FAM216B: variants seen among roughly 807,000 people sequenced by gnomAD.
FAM216B encodes protein FAM216B.
A neutral mutation model predicts 12.9 loss-of-function variants in FAM216B; 11 were observed. The ratio of observed to expected loss-of-function variants is 0.86; its 90% CI spans 0.54 to 1.42. FAM216B has a LOEUF of 1.42. FAM216B is among the 40% of genes most tolerant of loss of function. The probability of loss-of-function intolerance (pLI) is 0.00; values close to 1 mark genes in which losing one functional copy is unlikely to be tolerated. For synonymous variants in FAM216B, 52 were observed against 57.2 expected (o/e 0.91, Z 0.41); for missense variants, 167 against 162.9 (o/e 1.02, Z -0.14).
chr13:42,784,863 TA>T (rs1004592898), intron 2 of FAM216B, among the ~76,000 whole-genome samples: 26 of 145,164 alleles, frequency 1.8e-4, no homozygotes, highest in South Asian at 6.6e-4. Context: ...AAATTAAAAA[TA>T]AAAAAAAAAT....
At position 42,788,947 on chromosome 13, in the gene FAM216B, C is replaced by A; in HGVS notation, c.*157C>A. On this transcript the variant is annotated 3_prime_UTR_variant, in exon 4 of 4. Coordinates refer to ENST00000313851, the MANE Select transcript of FAM216B (RefSeq NM_001318932.2). ...ATTCATATAAATTTTGCCAGCAAGA[C>A]CAAGAGGTTTAAGAGCAATGGAGCC... is the stretch of plus-strand genomic sequence containing the variant. 1.4e-6 allele frequency: 1 copy of A among 731,702 alleles called. No individual in the cohort carries two copies. Among genetic ancestry groups the A allele is most frequent in the Non-Finnish European group, 2.1e-6 (1 of 476,578 alleles). The allele number at this position is 731,702 out of a possible 1,614,324, so 45.3% of individuals were successfully genotyped here.
rs1009244209 is a variant in FAM216B at position 42,788,891 on chromosome 13, A to G, written c.*101A>G. 1.3e-5 allele frequency: 15 copies of G among 1,167,692 alleles called. No homozygotes were observed. Among genetic ancestry groups the G allele is most frequent in the African/African-American group, 7.8e-5 (5 of 64,360 alleles). The allele number at this position is 1,167,692 out of a possible 1,614,324, so 72.3% of individuals were successfully genotyped here. ...GTTGAATGACAGTGAATAATTTCTAATATAAACCCCAGACCTAAAAATAAT... is the reference window on the plus strand; with the variant it reads ...GTTGAATGACAGTGAATAATTTCTAGTATAAACCCCAGACCTAAAAATAAT... On this transcript the variant is annotated 3_prime_UTR_variant, in exon 4 of 4. Coordinates refer to ENST00000313851, the MANE Select transcript of FAM216B (RefSeq NM_001318932.2).
Position 42,791,403 on chromosome 13 carries a change from T to G in FAM216B, c.*2613T>G, listed in dbSNP as rs978519335. 1 of 152,160 alleles carries G rather than the reference T, an allele frequency of 6.6e-6. No individual in the cohort carries two copies. Among genetic ancestry groups the G allele is most frequent in the Non-Finnish European group, 1.5e-5 (1 of 68,024 alleles). 9.4% of individuals were successfully genotyped at this position (152,160 alleles called of 1,614,324 possible). ...ATATTATTGCATTTAAATGATGGAT[T>G]TGAAATAAACAATGATTATACCATG... On this transcript the variant is annotated 3_prime_UTR_variant, in exon 4 of 4. Coordinates refer to ENST00000313851, the MANE Select transcript of FAM216B (RefSeq NM_001318932.2).
At chr13:42,782,450 G>A (rs955243146) in intron 1 of FAM216B, among the ~76,000 whole-genome samples, 1 of 152,170 alleles carries the variant, frequency 6.6e-6, no homozygotes, top group Non-Finnish European at 1.5e-5. Context: ...AGTTCTAAAG[G>A]CCATACAGCC....
Position 42,784,087 on chromosome 13 carries a change from G to C in FAM216B, c.20G>C (p.Arg7Thr). 6.3e-7 allele frequency: 1 copy of C among 1,581,536 alleles called. No individual in the cohort carries two copies. The highest frequency in any genetic ancestry group is 8.6e-7 in the Non-Finnish European group (1 of 1,161,780). The change falls in exon 2 of 4, where the codon AGA becomes ACA. Residue 7 changes from arginine (R) to threonine (T), a missense_variant. Physicochemically the swap from Arg to Thr is moderately conservative, Grantham distance 71. Coordinates refer to ENST00000313851, the MANE Select transcript of FAM216B (RefSeq NM_001318932.2). MGQNWKRQQKLWNVPQL... is the reference protein window; with the variant it reads MGQNWKTQQKLWNVPQL... ...TAAACGATGGGACAAAACTGGAAAAGACAACAAAAGCTTTGGAATGTTCCA... is the reference window on the plus strand; with the variant it reads ...TAAACGATGGGACAAAACTGGAAAACACAACAAAAGCTTTGGAATGTTCCA...
intron 2 of FAM216B, 119 bp from the exon 3 acceptor site, chr13:42,786,644 A>AAAC (rs1874100043): frequency 7.4e-7 from 1 of 1,356,816 alleles, no homozygotes; most frequent in East Asian, 2.5e-5. Context: ...ATTAAAAAAA[A>AAAC]AAAACATATG....
At position 42,790,179 on chromosome 13, in the gene FAM216B, T is replaced by G. The variant is rs1297482551; in HGVS notation, c.*1389T>G. 2 of 152,176 alleles carry G rather than the reference T, an allele frequency of 1.3e-5. No individual in the cohort carries two copies. Among genetic ancestry groups the G allele is most frequent in the East Asian group, 3.8e-4 (2 of 5,198 alleles). The allele number at this position is 152,176 out of a possible 1,614,324, so 9.4% of individuals were successfully genotyped here. A position where few individuals can be genotyped will look rare whatever the true frequency, so the allele number is the denominator to read the frequency against. Reference sequence around the variant, plus strand: ...ACATAGGCTTAGAAGAAGAAAAGACTCCAGTGGGACTGGGATGAGCTGCGT... The same window carrying G: ...ACATAGGCTTAGAAGAAGAAAAGACGCCAGTGGGACTGGGATGAGCTGCGT... On this transcript the variant is annotated 3_prime_UTR_variant, in exon 4 of 4. Transcript: ENST00000313851.
chr13:42,783,298 ACT>A (rs1389476658), intron 1 of FAM216B, among the ~76,000 whole-genome samples: 61 of 152,218 alleles, frequency 4.0e-4, no homozygotes, highest in African/African-American at 1.4e-3. Context: ...ATAGAGTGAG[ACT>A]CTGTCTCAAA....
chr13:42,785,598 C>T (rs1874055461), intron 2 of FAM216B, among the ~76,000 whole-genome samples: 1 of 152,192 alleles, frequency 6.6e-6, no homozygotes, highest in Admixed American at 6.5e-5. Flanking sequence ...ATACAAAATA[C>T]ATGCAAATGC....
intron 3 of FAM216B, 115 bp from the exon 4 acceptor site, chr13:42,788,476 C>T (rs1874176043): frequency 1.8e-5 from 14 of 776,922 alleles, no homozygotes; most frequent in Non-Finnish European, 2.6e-5. Context: ...TCTGGGCATG[C>T]TTACCACAAG....
intron 2 of FAM216B, 78 bp downstream of exon 2, chr13:42,784,244 C>A (rs1003076079): frequency 5.1e-6 from 5 of 981,292 alleles, no homozygotes; most frequent in Non-Finnish European, 7.1e-6. Context: ...AGGACTTTTT[C>A]TGCTGTCTTT....
rs908768296 is a variant in FAM216B, at chr13:42,789,092, G to A, written c.*302G>A. 1.9e-5 allele frequency: 4 copies of A among 212,682 alleles called. No homozygotes were observed. In the East Asian group the frequency reaches 3.9e-4, roughly 21 times the overall value. The allele number at this position is 212,682 out of a possible 1,614,324, so 13.2% of individuals were successfully genotyped here. On this transcript the variant is annotated 3_prime_UTR_variant, in exon 4 of 4. Coordinates refer to ENST00000313851, the MANE Select transcript of FAM216B (RefSeq NM_001318932.2). The stretch of plus-strand genomic sequence containing the variant: ...AGAAGTCCCCAAAACAGTGAAAGGG[G>A]ACAAGTGACCAGAAAGGGCCAGGTC...
rs764378879 is a variant in FAM216B at position 42,788,649 on chromosome 13, G to A, written c.279G>A (p.Lys93=). The A allele has an allele frequency of 6.2e-7, 1 of 1,613,914 alleles. No homozygotes were observed. Among genetic ancestry groups the A allele is most frequent in the Non-Finnish European group, 8.5e-7 (1 of 1,179,880 alleles). The change falls in exon 4 of 4, where the codon AAG becomes AAA. Residue 93 remains lysine, a synonymous_variant. Transcript: ENST00000313851. ...CTCTTGTACTTAGAGATTCAACCAA[G>A]AGAGCCTCAGCCAAGGTAGCTCCTC... ...SYALVLRDST[K]RASAKVAPQR...
chr13:42,788,376 A>G lies in FAM216B; in HGVS notation c.221-215A>G, dbSNP rs1874171302. On this transcript the variant is annotated intron_variant, in intron 3 of 3. Coordinates refer to ENST00000313851, the MANE Select transcript of FAM216B (RefSeq NM_001318932.2). Reference sequence around the variant, plus strand: ...CAAGTCCCTTTCCAAATAATCTGACATGTTAATCAACGACCAAGTGTTTAT... The same window carrying G: ...CAAGTCCCTTTCCAAATAATCTGACGTGTTAATCAACGACCAAGTGTTTAT... Among the ~76,000 whole-genome samples the G allele has an allele frequency of 2.0e-5, 3 of 152,178 alleles. No individual in the cohort carries two copies. The South Asian group carries it at 6.2e-4, about 32-fold the overall frequency.
At chr13:42,784,223 T>C (rs1873982617) in intron 2 of FAM216B, 57 bp downstream of exon 2, 1 of 1,289,276 alleles carries the variant, frequency 7.8e-7, no homozygotes, top group African/African-American at 1.6e-5. Flanking sequence ...CTGTCTCTCC[T>C]TCAAGGTTTG....
At chr13:42,785,797 G>A (rs1016798821) in intron 2 of FAM216B, among the ~76,000 whole-genome samples, 1 of 136,442 alleles carries the variant, frequency 7.3e-6, no homozygotes. Flanking sequence ...ATGCAAATCT[G>A]GTCAGTTAAG....
At chr13:42,783,989 A>T in intron 1 of FAM216B, 65 bp from the exon 2 acceptor site, 3 of 967,682 alleles carry the variant, frequency 3.1e-6, no homozygotes, top group Non-Finnish European at 4.7e-6. Flanking sequence ...TTATTTACTT[A>T]AGTACATCCC....
intron 2 of FAM216B, among the ~76,000 whole-genome samples, chr13:42,785,080 A>G (rs1852045295): frequency 1.3e-5 from 2 of 152,130 alleles, no homozygotes; most frequent in Admixed American, 1.3e-4. Flanking sequence ...CCTGCTCTTG[A>G]AATTGGCTTA....
chr13:42,788,438 A>G (rs1207315145), intron 3 of FAM216B, among the ~76,000 whole-genome samples, 153 bp from the exon 4 acceptor site: 1 of 152,220 alleles, frequency 6.6e-6, no homozygotes, highest in Non-Finnish European at 1.5e-5. Flanking sequence ...GAAGAAAAAT[A>G]TATTTCCAAT....
Sources: gnomAD v4.1 joint callset for allele counts (sites outside exome capture counted in the v4.1 genomes callset) on GRCh38, gnomAD v4.1.1 for gene constraint, MANE v1.5 for transcripts, NCBI Gene and HGNC (gene_info 2026-07-23, HGNC 2026-07-21) for gene names.